CDH18: variants seen among roughly 807,000 people sequenced by gnomAD.
CDH18 encodes cadherin 18.
In CDH18, 31 loss-of-function variants were observed where a neutral mutation model predicts 67.9. That is an observed-to-expected ratio of 0.46 (90% CI 0.34 to 0.62). The LOEUF is 0.62. Ranked by LOEUF, CDH18 falls within the 20% of genes least tolerant of loss-of-function variation. CDH18 has a pLI of 0.01. For synonymous variants in CDH18, 362 were observed against 347.2 expected, an observed-to-expected ratio of 1.04 and a Z score of -0.48; for missense variants, 890 against 975.5, an observed-to-expected ratio of 0.91 and a Z score of 1.17.
At chr5:19,675,836 T>C (rs192233196) in intron 5 of CDH18, among the ~76,000 whole-genome samples, 30 of 152,074 alleles carry the variant, frequency 2.0e-4, no homozygotes, top group South Asian at 1.7e-3. Flanking sequence ...TGTTCAGAGA[T>C]TGAAGTAAAG....
intron 2 of CDH18, among the ~76,000 whole-genome samples, chr5:20,151,867 A>C (rs1008427938): frequency 1.3e-4 from 20 of 151,904 alleles, no homozygotes; most frequent in Non-Finnish European, 2.8e-4. Context: ...GTATCACATG[A>C]GTTCAATATC....
intron 11 of CDH18, among the ~76,000 whole-genome samples, chr5:19,491,550 G>A (rs1015306546): frequency 1.3e-5 from 2 of 152,082 alleles, no homozygotes; most frequent in Non-Finnish European, 1.5e-5. Context: ...CTACATACCT[G>A]CATTTCCCTA....
chr5:19,901,418 T>C (rs1789928677), intron 2 of CDH18, among the ~76,000 whole-genome samples: 1 of 152,098 alleles, frequency 6.6e-6, no homozygotes, highest in Admixed American at 6.6e-5. Context: ...AAACTAATAA[T>C]CCCTTAATTT....
At chr5:20,554,331 A>G (rs1757791003) in intron 1 of CDH18, among the ~76,000 whole-genome samples, 2 of 152,188 alleles carry the variant, frequency 1.3e-5, no homozygotes. Flanking sequence ...AGTCTTTCAC[A>G]TACTAAAGGT....
intron 4 of CDH18, among the ~76,000 whole-genome samples, chr5:19,745,368 G>C (rs1473182043): frequency 2.6e-5 from 4 of 152,176 alleles, no homozygotes; most frequent in Non-Finnish European, 5.9e-5. Flanking sequence ...GGTAATGCCT[G>C]CTCTGCCTGT....
At chr5:20,279,839 T>C (rs188672198) in intron 1 of CDH18, among the ~76,000 whole-genome samples, 278 of 146,738 alleles carry the variant, frequency 1.9e-3, no homozygotes, top group Non-Finnish European at 3.3e-3. Context: ...CAAAGAAACA[T>C]AGATTTAGTC....
At chr5:19,874,282 TCTACATAAGC>T (rs1786687022) in intron 2 of CDH18, among the ~76,000 whole-genome samples, 1 of 152,170 alleles carries the variant, frequency 6.6e-6, no homozygotes. Context: ...ATCACTGCAG[TCTACATAAGC>T]CAGTCCTCAT....
At chr5:19,596,277 C>A (rs1271065247) in intron 6 of CDH18, among the ~76,000 whole-genome samples, 1 of 152,138 alleles carries the variant, frequency 6.6e-6, no homozygotes, top group Non-Finnish European at 1.5e-5. Context: ...ATGTGATTTG[C>A]ACTGGCCTTG....
Position 19,789,139 on chromosome 5 carries a change from G to A in CDH18, c.229-41903C>T, listed in dbSNP as rs577151451. On this transcript the variant is annotated intron_variant, in intron 3 of 12. Coordinates refer to ENST00000382275, the MANE Select transcript of CDH18 (RefSeq NM_004934.5). ...TGTTCTTTCCCCACTAATTGTCACA[G>A]GGCAATTGCCTTTACAAAATATTAA... is the stretch of plus-strand genomic sequence containing the variant. Among the ~76,000 whole-genome samples, 6 of 152,264 alleles carry A rather than the reference G, an allele frequency of 3.9e-5. No homozygotes were observed. In the East Asian group the frequency reaches 9.6e-4, roughly 24 times the overall value.
At chr5:20,377,084 C>T (rs1472663675) in intron 1 of CDH18, among the ~76,000 whole-genome samples, 4 of 151,926 alleles carry the variant, frequency 2.6e-5, no homozygotes, top group African/African-American at 7.2e-5. Flanking sequence ...CTTTCTGAAG[C>T]GGTCACTTCC....
chr5:20,558,821 A>T (rs960590958), intron 1 of CDH18, among the ~76,000 whole-genome samples: 3 of 151,972 alleles, frequency 2.0e-5, no homozygotes, highest in African/African-American at 4.8e-5. Flanking sequence ...TTTTTAATAA[A>T]CTGAAAGGGA....
intron 2 of CDH18, among the ~76,000 whole-genome samples, chr5:19,979,521 T>C (rs1439975027): frequency 6.6e-6 from 1 of 152,098 alleles, no homozygotes; most frequent in Non-Finnish European, 1.5e-5. Context: ...GGAAACTTCA[T>C]ATTTTGTCTA....
intron 2 of CDH18, among the ~76,000 whole-genome samples, chr5:20,082,361 T>C (rs1381583752): frequency 6.6e-6 from 1 of 152,200 alleles, no homozygotes; most frequent in African/African-American, 2.4e-5. Context: ...CTAAAAGTAA[T>C]GGTGAAATGT....
At chr5:20,206,352 T>C (rs78659271) in intron 2 of CDH18, among the ~76,000 whole-genome samples, 1,688 of 151,986 alleles carry the variant, frequency 0.011, 32 homozygotes, top group African/African-American at 0.038. Context: ...TGAAGTCTTC[T>C]ATTAAAGAAA....
intron 1 of CDH18, among the ~76,000 whole-genome samples, chr5:20,434,322 A>G (rs780204095): frequency 1.3e-5 from 2 of 152,102 alleles, no homozygotes; most frequent in Non-Finnish European, 1.5e-5. Context: ...AGAAATTCAG[A>G]TCAAGCTGCT....
chr5:19,995,154 G>C (rs1381907637), intron 2 of CDH18, among the ~76,000 whole-genome samples: 2 of 151,840 alleles, frequency 1.3e-5, no homozygotes, highest in Admixed American at 6.6e-5. Context: ...CATGGTTAAT[G>C]CTAAGGTCTT....
intron 2 of CDH18, among the ~76,000 whole-genome samples, chr5:20,003,501 T>A (rs79121503): frequency 0.013 from 2,021 of 152,212 alleles, 58 homozygotes; most frequent in African/African-American, 0.047. Context: ...TTAAAAAAAA[T>A]GTCCAAAATG....
chr5:19,782,770 A>G (rs1423637092), intron 3 of CDH18, among the ~76,000 whole-genome samples: 4 of 152,114 alleles, frequency 2.6e-5, no homozygotes, highest in African/African-American at 7.2e-5. Flanking sequence ...TGCTTGGCCA[A>G]ATTCCACTGC....
chr5:19,919,107 G>T (rs776100805), intron 2 of CDH18, among the ~76,000 whole-genome samples: 1 of 152,040 alleles, frequency 6.6e-6, no homozygotes, highest in African/African-American at 2.4e-5. Flanking sequence ...AACCCTAACT[G>T]AAAGGGTTCA....
Sources: allele counts gnomAD v4.1 joint callset (sites outside exome capture counted in the v4.1 genomes callset), GRCh38; gene constraint gnomAD v4.1.1; transcripts MANE v1.5; gene names NCBI Gene and HGNC (gene_info 2026-07-23, HGNC 2026-07-21).